DCC: variants seen among roughly 807,000 people sequenced by gnomAD.
The protein encoded by DCC is netrin receptor DCC.
In DCC, 58 loss-of-function variants were observed where a neutral mutation model predicts 172.5. The observed-to-expected ratio is 0.34, with a 90% confidence interval of 0.27 to 0.42. The LOEUF is 0.42. DCC is among the 10% of genes least tolerant of loss of function. The pLI is 1.00. For missense variants in DCC, 1,740 were observed against 1,791.0 expected (o/e 0.97, Z 0.51); for synonymous variants, 709 against 644.5 (o/e 1.10, Z -1.52).
chr18:53,208,990 C>T (rs1343424703), intron 11 of DCC, among the ~76,000 whole-genome samples: 1 of 152,188 alleles, frequency 6.6e-6, no homozygotes, highest in African/African-American at 2.4e-5. Context: ...CTTGGCCTCA[C>T]ATAGTGCTGG....
intron 11 of DCC, among the ~76,000 whole-genome samples, chr18:53,214,154 GAAT>G (rs2055808041): frequency 6.6e-6 from 1 of 151,798 alleles, no homozygotes; most frequent in African/African-American, 2.4e-5. Flanking sequence ...ATAAATTGTG[GAAT>G]ATTTTTGAAA....
At chr18:52,647,327 G>T (rs540994267) in intron 1 of DCC, among the ~76,000 whole-genome samples, 1 of 152,192 alleles carries the variant, frequency 6.6e-6, no homozygotes, top group East Asian at 1.9e-4. Context: ...TGTGTATTGG[G>T]TTTTCCTTCC....
At chr18:53,035,202 A>G (rs2042076937) in intron 5 of DCC, among the ~76,000 whole-genome samples, 2 of 152,010 alleles carry the variant, frequency 1.3e-5, no homozygotes, top group South Asian at 2.1e-4. Context: ...GGAACATTAC[A>G]GATCTTCTGT....
chr18:53,222,372 TTTTCTTTTTTC>T (rs1345677153), intron 12 of DCC, among the ~76,000 whole-genome samples: 22 of 106,592 alleles, frequency 2.1e-4, no homozygotes, highest in African/African-American at 1.1e-3. Flanking sequence ...TCTTTTTTCT[TTTTCTTTTTTC>T]TTTTTTTTTT....
chr18:53,296,589 A>G (rs755439122), intron 12 of DCC, among the ~76,000 whole-genome samples: 18 of 152,198 alleles, frequency 1.2e-4, no homozygotes, highest in Non-Finnish European at 2.1e-4. Context: ...TAGCTATGGC[A>G]ATATTCTGGG....
intron 5 of DCC, among the ~76,000 whole-genome samples, chr18:53,028,520 C>T (rs1264897983): frequency 6.6e-6 from 1 of 152,144 alleles, no homozygotes; most frequent in Non-Finnish European, 1.5e-5. Flanking sequence ...ATACCATTAT[C>T]AGCCATATTA....
At chr18:52,738,467 A>G (rs2036762800) in intron 1 of DCC, among the ~76,000 whole-genome samples, 1 of 152,158 alleles carries the variant, frequency 6.6e-6, no homozygotes, top group Admixed American at 6.5e-5. Context: ...TAGAAAAGCC[A>G]CGTAAATATT....
chr18:52,593,179 A>C (rs1368042103), intron 1 of DCC, among the ~76,000 whole-genome samples: 1 of 152,150 alleles, frequency 6.6e-6, no homozygotes, highest in Non-Finnish European at 1.5e-5. Flanking sequence ...AACATTTTTG[A>C]AGCTGAAAAG....
intron 1 of DCC, among the ~76,000 whole-genome samples, chr18:52,498,624 A>G (rs1269000389): frequency 6.6e-6 from 1 of 152,014 alleles, no homozygotes; most frequent in Non-Finnish European, 1.5e-5. Context: ...ACTCTGTCTC[A>G]AAAAAACAAA....
chr18:52,591,133 A>G (rs1344764987), intron 1 of DCC, among the ~76,000 whole-genome samples: 2 of 152,216 alleles, frequency 1.3e-5, no homozygotes, highest in Admixed American at 6.5e-5. Context: ...CATTGATTCT[A>G]TCAGGAAGGA....
At chr18:52,844,353 G>A (rs899780052) in intron 2 of DCC, among the ~76,000 whole-genome samples, 20 of 148,960 alleles carry the variant, frequency 1.3e-4, no homozygotes, top group African/African-American at 4.9e-4. Flanking sequence ...GATAGATATA[G>A]ATGTGAGCTG....
chr18:53,047,540 G>A (rs930285817), intron 5 of DCC, among the ~76,000 whole-genome samples: 37 of 138,102 alleles, frequency 2.7e-4, no homozygotes, highest in African/African-American at 9.2e-4. Context: ...AAATACATCT[G>A]TAATAACTGA....
chr18:53,237,312 G>T (rs2056220859), intron 12 of DCC: 1 of 153,074 alleles, frequency 6.5e-6, no homozygotes, highest in African/African-American at 2.4e-5. Context: ...TGTTTTTGGG[G>T]TACCTGCTAT....
At chr18:52,671,237 T>A (rs1255063662) in intron 1 of DCC, among the ~76,000 whole-genome samples, 1 of 152,272 alleles carries the variant, frequency 6.6e-6, no homozygotes, top group East Asian at 1.9e-4. Flanking sequence ...GTCCCACCAC[T>A]GGAGGCTTCA....
chr18:53,015,871 AT>A (rs1337226401), intron 5 of DCC, among the ~76,000 whole-genome samples: 2 of 152,108 alleles, frequency 1.3e-5, no homozygotes, highest in African/African-American at 4.8e-5. Flanking sequence ...ACTACCATTA[AT>A]ATATTTTTCA....
At chr18:53,309,149 T>C (rs2057235680) in intron 13 of DCC, among the ~76,000 whole-genome samples, 2 of 152,144 alleles carry the variant, frequency 1.3e-5, no homozygotes, top group East Asian at 1.9e-4. Context: ...GTGATCCTCC[T>C]GCCTCGGCCT....
chr18:52,920,267 T>TA (rs1463318492), intron 3 of DCC, among the ~76,000 whole-genome samples: 9 of 150,126 alleles, frequency 6.0e-5, no homozygotes, highest in African/African-American at 2.0e-4. Flanking sequence ...TTTAAAAGAG[T>TA]AAAAAACAAC....
intron 1 of DCC, among the ~76,000 whole-genome samples, chr18:52,722,615 A>G (rs1408904528): frequency 6.6e-6 from 1 of 152,196 alleles, no homozygotes; most frequent in East Asian, 1.9e-4. Flanking sequence ...TGCAAAAGTA[A>G]TGGCGGTTTT....
chr18:53,071,411 T>C (rs1488571344), intron 7 of DCC, among the ~76,000 whole-genome samples: 1 of 152,172 alleles, frequency 6.6e-6, no homozygotes, highest in East Asian at 1.9e-4. Flanking sequence ...AGAAGATCAA[T>C]GGTGTTTTTA....
Sources: gnomAD v4.1 joint callset for allele counts (sites outside exome capture counted in the v4.1 genomes callset) on GRCh38, gnomAD v4.1.1 for gene constraint, MANE v1.5 for transcripts, NCBI Gene and HGNC (gene_info 2026-07-23, HGNC 2026-07-21) for gene names.